The following FABP6 variants were observed in gnomAD, a reference collection of about 807,000 sequenced individuals.
FABP6 encodes the protein fatty acid binding protein 6, also known as gastrotropin.
A neutral mutation model predicts 14.9 loss-of-function variants in FABP6; 13 were observed. The observed-to-expected ratio is 0.87, with a 90% confidence interval of 0.57 to 1.39. The LOEUF is 1.39. Ranked by LOEUF, FABP6 falls within the 40% of genes most tolerant of loss-of-function variation. FABP6 has a pLI of 0.00. For missense variants in FABP6, 161 were observed against 167.2 expected, an observed-to-expected ratio of 0.96 and a Z score of 0.20; for synonymous variants, 75 against 63.6, an observed-to-expected ratio of 1.18 and a Z score of -0.85.
intron 1 of FABP6, among the ~76,000 whole-genome samples, chr5:160,193,329 G>A (rs1017964315): frequency 1.3e-5 from 2 of 152,092 alleles, no homozygotes; most frequent in Non-Finnish European, 2.9e-5. Flanking sequence ...AGACTTTCAC[G>A]GTAAGTGTTA....
intron 3 of FABP6, among the ~76,000 whole-genome samples, chr5:160,216,762 A>G (rs1580912789): frequency 2.0e-5 from 3 of 152,148 alleles, no homozygotes; most frequent in Admixed American, 2.0e-4. Context: ...GTAAGTAGGG[A>G]TTATTACAGC....
chr5:160,204,943 C>G (rs1759729051), intron 2 of FABP6: 1 of 152,212 alleles, frequency 6.6e-6, no homozygotes, highest in Non-Finnish European at 1.5e-5. Context: ...AGGTCTCCAG[C>G]TCCATAGCTA....
chr5:160,204,002 C>G (rs1759703668), intron 2 of FABP6, among the ~76,000 whole-genome samples: 1 of 152,072 alleles, frequency 6.6e-6, no homozygotes, highest in African/African-American at 2.4e-5. Flanking sequence ...CGCCCAGCCT[C>G]AGACACTATA....
At chr5:160,198,892 G>A (rs1759569520) in intron 1 of FABP6, 1 of 570,288 alleles carries the variant, frequency 1.8e-6, no homozygotes, top group Non-Finnish European at 3.1e-6. Flanking sequence ...TTAATTCCTG[G>A]AGGGCAGGGA....
At chr5:160,224,163 G>A (rs1310155141) in intron 3 of FABP6, among the ~76,000 whole-genome samples, 1 of 152,134 alleles carries the variant, frequency 6.6e-6, no homozygotes, top group East Asian at 1.9e-4. Context: ...GTGAACCCAG[G>A]AGGTGAAGCT....
intron 2 of FABP6, among the ~76,000 whole-genome samples, chr5:160,232,708 C>A (rs1242110901): frequency 1.3e-5 from 2 of 151,880 alleles, no homozygotes; most frequent in African/African-American, 4.8e-5. Context: ...ATTAGCCTGG[C>A]CAACATGGTG....
chr5:160,225,738 C>T (rs1760230884), upstream of FABP6, among the ~76,000 whole-genome samples: 1 of 151,980 alleles, frequency 6.6e-6, no homozygotes, highest in Non-Finnish European at 1.5e-5. Flanking sequence ...ACCGTGTTTA[C>T]AAACTAATGC....
chr5:160,189,905 A>C (rs1759362109), intron 1 of FABP6, among the ~76,000 whole-genome samples: 1 of 152,122 alleles, frequency 6.6e-6, no homozygotes, highest in Non-Finnish European at 1.5e-5. Flanking sequence ...TCCACTCCCA[A>C]AATTTCGTGA....
intron 1 of FABP6, among the ~76,000 whole-genome samples, chr5:160,230,115 T>C (rs1047303468): frequency 5.3e-5 from 8 of 151,696 alleles, no homozygotes; most frequent in Admixed American, 4.6e-4. Flanking sequence ...ACTCCTGACC[T>C]CAGGTGATCC....
intron 3 of FABP6, among the ~76,000 whole-genome samples, chr5:160,214,707 T>C (rs927443820): frequency 3.3e-5 from 5 of 151,678 alleles, no homozygotes; most frequent in Middle Eastern, 3.4e-3. Context: ...TAATCCCAAC[T>C]CTTTGGGAGG....
intron 2 of FABP6, among the ~76,000 whole-genome samples, chr5:160,206,084 G>C (rs1040388423): frequency 6.6e-6 from 1 of 151,596 alleles, no homozygotes; most frequent in Non-Finnish European, 1.5e-5. Context: ...TAAACAACTA[G>C]AGCCATATAT....
chr5:160,206,166 G>A (rs1759760436), intron 2 of FABP6, among the ~76,000 whole-genome samples: 2 of 152,188 alleles, frequency 1.3e-5, no homozygotes, highest in Admixed American at 1.3e-4. Flanking sequence ...GGGCGTGGTG[G>A]CTCATGCCTG....
At chr5:160,228,204 C>T (rs1203335797), upstream of FABP6, among the ~76,000 whole-genome samples, 1 of 152,050 alleles carries the variant, frequency 6.6e-6, no homozygotes, top group Non-Finnish European at 1.5e-5. Context: ...CCAGCCTAAG[C>T]AACGTGGAGA....
Position 160,217,618 on chromosome 5 carries a change from CTTAT to C in FABP6, c.135+3814_135+3817del, listed in dbSNP as rs111335004. 9.7e-3 allele frequency among the ~76,000 whole-genome samples: 1,471 copies of C among 151,752 alleles called. 27 individuals are homozygous for C. Among genetic ancestry groups the C allele is most frequent in the African/African-American group, 0.033 (1,378 of 41,414 alleles). On this transcript the variant is annotated intron_variant, in intron 3 of 6. Coordinates refer to the FABP6 transcript ENST00000393980. Reference sequence around the variant, plus strand: ...AACTCATTTATTTATTTTATTTTATCTTATTTATTTATTTATTTTATTATTATTA... The same window carrying C: ...AACTCATTTATTTATTTTATTTTATCTTATTTATTTATTTTATTATTATTA...
intron 2 of FABP6, chr5:160,204,756 G>A (rs1759725022): frequency 6.6e-6 from 1 of 152,396 alleles, no homozygotes; most frequent in African/African-American, 2.4e-5. Flanking sequence ...CTCCCAAAGT[G>A]CTGGGATTAC....
intron 2 of FABP6, among the ~76,000 whole-genome samples, chr5:160,209,238 C>A (rs1008536366): frequency 2.0e-5 from 3 of 151,932 alleles, no homozygotes; most frequent in South Asian, 2.1e-4. Flanking sequence ...AAATAAAGGT[C>A]TGGTGTGGTG....
chr5:160,233,906 C>T (rs1256145079), intron 2 of FABP6, among the ~76,000 whole-genome samples: 1 of 151,618 alleles, frequency 6.6e-6, no homozygotes, highest in African/African-American at 2.4e-5. Flanking sequence ...GTGAAGAAAC[C>T]GAGGCTCAGG....
At chr5:160,221,888 A>G (rs1254396525) in intron 3 of FABP6, among the ~76,000 whole-genome samples, 1 of 152,218 alleles carries the variant, frequency 6.6e-6, no homozygotes, top group Non-Finnish European at 1.5e-5. Flanking sequence ...AACATCTAGA[A>G]GTTTATCTAC....
At chr5:160,224,223 G>A (rs982136475) in intron 3 of FABP6, among the ~76,000 whole-genome samples, 5 of 151,886 alleles carry the variant, frequency 3.3e-5, no homozygotes, top group Admixed American at 1.3e-4. Context: ...GCGAAAGGGC[G>A]AGACTCCATC....
Sources: gnomAD v4.1 joint callset for allele counts (sites outside exome capture counted in the v4.1 genomes callset) on GRCh38, gnomAD v4.1.1 for gene constraint, MANE v1.5 for transcripts, NCBI Gene and HGNC (gene_info 2026-07-23, HGNC 2026-07-21) for gene names.